The following TH variants were observed in gnomAD, a reference collection of about 807,000 sequenced individuals.
TH encodes the protein tyrosine 3-monooxygenase.
A neutral mutation model predicts 57.4 loss-of-function variants in TH; 49 were observed. The ratio of observed to expected loss-of-function variants is 0.85; its 90% CI spans 0.68 to 1.08. TH has a LOEUF of 1.08. TH is among the 50% of genes least tolerant of loss of function. The pLI is 0.00. For missense variants in TH, 720 were observed against 696.7 expected (o/e 1.03, Z -0.38); for synonymous variants, 330 against 304.5 (o/e 1.08, Z -0.87).
rs1219873306 is a variant in TH, at chr11:2,165,746, C to A, written c.1122G>T (p.Val374=). The A allele has an allele frequency of 6.2e-7, 1 of 1,612,760 alleles. No individual in the cohort carries two copies. The highest frequency in any genetic ancestry group is 2.2e-5 in the East Asian group (1 of 44,862). ...EKLSTLYWFT[V]EFGLCKQNGE... ...CGTTCTGCTTACACAGCCCGAACTC[C>A]ACCGTGAACCAGTACAGCTGCGGGG... Residue 374 remains valine (V), a synonymous_variant, in exon 11 of 13, where the codon GTG becomes GTT. Coordinates refer to ENST00000352909, the MANE Select transcript of TH (RefSeq NM_000360.4).
chr11:2,170,602 A>C lies in TH; in HGVS notation c.91-731T>G. The C allele has an allele frequency of 8.4e-7, 1 of 1,191,520 alleles. No individual in the cohort carries two copies. The highest frequency in any genetic ancestry group is 1.3e-5 in the South Asian group (1 of 77,168). 73.8% of individuals were successfully genotyped at this position (1,191,520 alleles called of 1,614,324 possible). On this transcript the variant is annotated intron_variant, in intron 1 of 12. Transcript: ENST00000352909. This position sits in a 1 kb window ranked among gnomAD's most constrained non-coding sequence, Gnocchi z 6.0. Reference sequence around the variant, plus strand: ...AAGAAGGCTCTGGGCCCCTTGTAAGAGAAGAATCAGCTTCATCCTGAGCTT... The same window carrying C: ...AAGAAGGCTCTGGGCCCCTTGTAAGCGAAGAATCAGCTTCATCCTGAGCTT...
At position 2,170,695 on chromosome 11, in the gene TH, G is replaced by T. The variant is rs371522293; in HGVS notation, c.91-824C>A. 1.2e-6 allele frequency: 2 copies of T among 1,605,180 alleles called. No homozygotes were observed. Among genetic ancestry groups the T allele is most frequent in the South Asian group, 2.3e-5 (2 of 88,804 alleles). ...CAGAGTCCCCTCTTACTTACCCTTG[G>T]GGTGGGGGTGTAGGATGCAGCTGGG... On this transcript the variant is annotated intron_variant, in intron 1 of 12. Transcript: ENST00000352909. This position sits in a 1 kb window ranked among gnomAD's most constrained non-coding sequence, Gnocchi z 6.0.
intron 4 of TH, 42 bp from the exon 5 acceptor site, chr11:2,167,975 G>A (rs1846148094): frequency 6.2e-7 from 1 of 1,609,628 alleles, no homozygotes; most frequent in African/African-American, 1.3e-5. Context: ...GCTGTGCTGG[G>A]GTGGGGGCAC....
chr11:2,166,866 GC>G lies in TH; in HGVS notation c.841+20del. The G allele has an allele frequency of 1.2e-6, 2 of 1,600,254 alleles. No homozygotes were observed. The highest frequency in any genetic ancestry group is 1.7e-5 in the Admixed American group (1 of 58,248). ...ACCATCCCCGGCCCCCCGGCTCTGC[GC>G]CCCTCCCGTCTGGGCACACCCTTCA... On this transcript the variant is annotated intron_variant, in intron 7 of 12. Transcript: ENST00000352909.
rs1846165575 is a variant in TH, at chr11:2,168,561, C to T, written c.417G>A (p.Gly139=). ...EYFVRLEVRR[G]DLAALLSGVR... ...CACCACTGAGCAGGGCGGCCAGGTC[C>T]CCTCGGCGCACCTCGAGGCGCACGA... Residue 139 remains glycine (G), a synonymous_variant, in exon 3 of 13, where the codon GGG becomes GGA. Transcript: ENST00000352909. 10 of 1,611,930 alleles carry T rather than the reference C, an allele frequency of 6.2e-6. No homozygotes were observed. Among genetic ancestry groups the T allele is most frequent in the African/African-American group, 1.3e-5 (1 of 75,038 alleles).
rs766929836 is a variant in TH, at chr11:2,165,204, G to A, written c.1334+28C>T. 4.3e-6 allele frequency: 7 copies of A among 1,612,480 alleles called. No individual in the cohort carries two copies. In the Admixed American group the frequency reaches 8.3e-5, roughly 19 times the overall value. On this transcript the variant is annotated intron_variant, in intron 12 of 12. Transcript: ENST00000352909. Reference sequence around the variant, plus strand: ...GCTGGCCCAGTTTGGGGGCACCATGGGGGGCTTGCCCTAGCAGCCTAGCCC... The same window carrying A: ...GCTGGCCCAGTTTGGGGGCACCATGAGGGGCTTGCCCTAGCAGCCTAGCCC...
At position 2,167,980 on chromosome 11, in the gene TH, G is replaced by A. The variant is rs758927074; in HGVS notation, c.577-47C>T. ...GGGTCAGGAGGCTGTGCTGGGGTGG[G>A]GGCACAGGCCACGGAGGCTCCTGGA... On this transcript the variant is annotated intron_variant, in intron 4 of 12. Transcript: ENST00000352909. The A allele has an allele frequency of 1.2e-5, 20 of 1,609,156 alleles. No individual in the cohort carries two copies. In the Admixed American group the frequency reaches 2.3e-4, roughly 19 times the overall value.
In TH at chr11:2,169,758, C is replaced by T. The variant is rs1378296581; in HGVS notation, c.204G>A (p.Leu68=). 3 of 1,612,258 alleles carry T rather than the reference C, an allele frequency of 1.9e-6. No individual in the cohort carries two copies. The highest frequency in any genetic ancestry group is 4.5e-5 in the East Asian group (2 of 44,872). Residue 68 remains leucine (L), a synonymous_variant, in exon 2 of 13, where the codon CTG becomes CTA. Coordinates refer to ENST00000352909, the MANE Select transcript of TH (RefSeq NM_000360.4). ...AAVPSEPGDP[L]EAVAFEEKEG... Reference sequence around the variant, plus strand: ...CCTTCTCCTCAAAGGCCACAGCCTCCAGGGGGTCCCCGGGCTCCGAGGGGA... The same window carrying T: ...CCTTCTCCTCAAAGGCCACAGCCTCTAGGGGGTCCCCGGGCTCCGAGGGGA...
At position 2,170,951 on chromosome 11, in the gene TH, A is replaced by G. The variant is rs1282393300; in HGVS notation, c.90+746T>C. Among the ~76,000 whole-genome samples the G allele has an allele frequency of 6.6e-6, 1 of 152,078 alleles. No individual in the cohort carries two copies. The highest frequency in any genetic ancestry group is 1.9e-4 in the East Asian group (1 of 5,186). The stretch of plus-strand genomic sequence containing the variant: ...CATTTTAAATGTGCCAGGGAGCCCA[A>G]GGTTCTGAGTGCCCAAGGAGGCACC... On this transcript the variant is annotated intron_variant, in intron 1 of 12. Coordinates refer to ENST00000352909, the MANE Select transcript of TH (RefSeq NM_000360.4). This position sits in a 1 kb window ranked among gnomAD's most constrained non-coding sequence, Gnocchi z 6.0.
chr11:2,166,265 C>T, intron 9 of TH: 1 of 863,918 alleles, frequency 1.2e-6, no homozygotes, highest in Non-Finnish European at 1.8e-6. Flanking sequence ...AGCCCGTGGG[C>T]GCCGTTCCCA....
chr11:2,168,699 G>T, intron 2 of TH, 34 bp from the exon 3 acceptor site: 2 of 968,694 alleles, frequency 2.1e-6, no homozygotes, highest in South Asian at 2.6e-5. Context: ...GAGAGAGAAG[G>T]AGAAAGAGAC....
At chr11:2,169,211 C>A (rs1846187262) in intron 2 of TH, among the ~76,000 whole-genome samples, 2 of 152,230 alleles carry the variant, frequency 1.3e-5, no homozygotes, top group South Asian at 2.1e-4. Flanking sequence ...TTGGGAGCTT[C>A]TTCCGGGAGC....
chr11:2,168,512 G>T lies in TH; in HGVS notation c.466C>A (p.Arg156Ser). 6.2e-7 allele frequency: 1 copy of T among 1,612,300 alleles called. No homozygotes were observed. The highest frequency in any genetic ancestry group is 8.5e-7 in the Non-Finnish European group (1 of 1,179,836). ...TCACCCTTGGGCCCCGCGGGGCTGC[G>T]CACGTCCTCTGACACCTGGCGCACA... ...SGVRQVSEDV[R>S]SPAGPKVPWF... is the part of the protein sequence containing the mutation. Residue 156 changes from arginine to serine, a missense_variant, in exon 3 of 13, where the codon CGC (arginine) becomes AGC (serine). By Grantham distance (110) the Arg-to-Ser change is moderately radical (BLOSUM62 -1). Coordinates refer to ENST00000352909, the MANE Select transcript of TH (RefSeq NM_000360.4).
chr11:2,168,030 G>C, intron 4 of TH, 61 bp downstream of exon 4: 4 of 1,610,190 alleles, frequency 2.5e-6, no homozygotes, highest in Non-Finnish European at 3.4e-6. Flanking sequence ...GTCCAGGGTT[G>C]GGCTAAGGGT....
rs1236340073 is a variant in TH at position 2,166,419 on chromosome 11, C to A, written c.1047+61G>T. On this transcript the variant is annotated intron_variant, in intron 9 of 12. Transcript: ENST00000352909. ...CACCCACCCGCACATCGATCCCCGC[C>A]CGCCCCCGGCGCCAAGCCAGCCCCT... The A allele has an allele frequency of 2.6e-6, 4 of 1,522,066 alleles. No individual in the cohort carries two copies. In the African/African-American group the frequency reaches 5.5e-5, roughly 21 times the overall value. 94.3% of individuals were successfully genotyped at this position (1,522,066 alleles called of 1,614,324 possible). A position where few individuals can be genotyped will look rare whatever the true frequency, so the allele number is the denominator to read the frequency against.
At chr11:2,166,205 A>G (rs922241284) in intron 9 of TH, 147 bp from the exon 10 acceptor site, 8 of 993,570 alleles carry the variant, frequency 8.1e-6, no homozygotes, top group Non-Finnish European at 1.2e-5. Flanking sequence ...CAGGATCCGC[A>G]CCTCCACCGG....
chr11:2,169,544 G>A lies in TH; in HGVS notation c.312+106C>T, dbSNP rs944108519. On this transcript the variant is annotated intron_variant, in intron 2 of 12. Coordinates refer to ENST00000352909, the MANE Select transcript of TH (RefSeq NM_000360.4). ...CCTGCTGCATCCTGTGCCGGCCTCGGGGGCCTGGGCAGCTGCACCTCTGCT... is the reference window on the plus strand; with the variant it reads ...CCTGCTGCATCCTGTGCCGGCCTCGAGGGCCTGGGCAGCTGCACCTCTGCT... 7.0e-6 allele frequency: 8 copies of A among 1,148,172 alleles called. No homozygotes were observed. The African/African-American group carries it at 1.1e-4, about 15-fold the overall frequency. 71.1% of individuals were successfully genotyped at this position (1,148,172 alleles called of 1,614,324 possible).
chr11:2,170,007 T>G lies in TH; in HGVS notation c.91-136A>C. 1.1e-6 allele frequency: 1 copy of G among 913,164 alleles called. No individual in the cohort carries two copies. The highest frequency in any genetic ancestry group is 1.7e-6 in the Non-Finnish European group (1 of 581,168). 56.6% of individuals were successfully genotyped at this position (913,164 alleles called of 1,614,324 possible). ...TGAGAGCACGTTTTTGAGCGCCTACTGTGTGCCTGCTGGGGCAGATGCTAG... is the reference window on the plus strand; with the variant it reads ...TGAGAGCACGTTTTTGAGCGCCTACGGTGTGCCTGCTGGGGCAGATGCTAG... On this transcript the variant is annotated intron_variant, in intron 1 of 12. Transcript: ENST00000352909. This position sits in a 1 kb window ranked among gnomAD's most constrained non-coding sequence, Gnocchi z 6.0.
intron 9 of TH, 166 bp downstream of exon 9, chr11:2,166,314 C>T: frequency 9.6e-7 from 1 of 1,037,056 alleles, no homozygotes. Context: ...TGGGAGGCTC[C>T]GCTCCAGCCC....
Sources: gnomAD v4.1 joint callset for allele counts (sites outside exome capture counted in the v4.1 genomes callset) on GRCh38, gnomAD v4.1.1 for gene constraint, Gnocchi (gnomAD v3.1) non-coding constraint, MANE v1.5 for transcripts, NCBI Gene and HGNC (gene_info 2026-07-23, HGNC 2026-07-21) for gene names.